RAVER2: variants seen among roughly 807,000 people sequenced by gnomAD.
RAVER2 encodes ribonucleoprotein, PTB binding 2, also known as ribonucleoprotein PTB-binding 2.
RAVER2 carries 46 observed loss-of-function variants against 78.1 expected under a neutral mutation model. The observed-to-expected ratio is 0.59, with a 90% CI of 0.46 to 0.75. The LOEUF is 0.75. RAVER2 is among the 30% of genes least tolerant of loss of function. The pLI is 0.00. For missense variants in RAVER2, 793 were observed against 837.5 expected (o/e 0.95, Z 0.66); for synonymous variants, 311 against 313.3 (o/e 0.99, Z 0.08).
intron 5 of RAVER2, among the ~76,000 whole-genome samples, chr1:64,802,181 C>T (rs1361299656): frequency 6.6e-6 from 1 of 152,154 alleles, no homozygotes; most frequent in Non-Finnish European, 1.5e-5. Flanking sequence ...AGGTTTTAGC[C>T]GGCTTCTTTA....
exon 11 of RAVER2, chr1:64,814,828 T>G: frequency 6.3e-7 from 1 of 1,578,102 alleles, no homozygotes; most frequent in Middle Eastern, 1.7e-4. Context: ...CACCTTTTGG[T>G]GATTATGCAC....
exon 12 of RAVER2, chr1:64,832,670 T>C (rs1654186647): frequency 6.6e-6 from 1 of 152,186 alleles, no homozygotes; most frequent in African/African-American, 2.4e-5. Flanking sequence ...GTCTAATTTA[T>C]TGCATATACT....
At chr1:64,813,231 T>C (rs143781180) in intron 10 of RAVER2, among the ~76,000 whole-genome samples, 17 of 152,356 alleles carry the variant, frequency 1.1e-4, no homozygotes, top group African/African-American at 3.8e-4. Flanking sequence ...TTCATTCAAA[T>C]ATCGTTTTAA....
intron 3 of RAVER2, among the ~76,000 whole-genome samples, chr1:64,779,705 G>A (rs569782563): frequency 6.6e-6 from 1 of 151,888 alleles, no homozygotes; most frequent in Admixed American, 6.6e-5. Flanking sequence ...TTGTCATCCT[G>A]TGGCCTTTAT....
chr1:64,771,600 AAC>A (rs569543715), intron 2 of RAVER2, among the ~76,000 whole-genome samples: 44 of 152,214 alleles, frequency 2.9e-4, no homozygotes, highest in African/African-American at 1.0e-3. Flanking sequence ...TGAGATTTGT[AAC>A]ACATGTAGAA....
chr1:64,812,465 T>C (rs1653641155), intron 9 of RAVER2, among the ~76,000 whole-genome samples: 1 of 152,128 alleles, frequency 6.6e-6, no homozygotes, highest in Non-Finnish European at 1.5e-5. Context: ...TTGGTTTTTC[T>C]TGTGAAGATG....
chr1:64,778,403 T>C (rs1425319386), intron 3 of RAVER2, among the ~76,000 whole-genome samples: 1 of 152,210 alleles, frequency 6.6e-6, no homozygotes, highest in Non-Finnish European at 1.5e-5. Context: ...ATTTACCATC[T>C]TCTGTGTACC....
At chr1:64,748,892 C>T (rs1030226648) in intron 1 of RAVER2, among the ~76,000 whole-genome samples, 2 of 152,092 alleles carry the variant, frequency 1.3e-5, no homozygotes, top group Middle Eastern at 3.2e-3. Flanking sequence ...GACTGGAGTG[C>T]GGTGGAACGA....
At chr1:64,787,446 G>A (rs1652812379) in intron 4 of RAVER2, among the ~76,000 whole-genome samples, 1 of 152,112 alleles carries the variant, frequency 6.6e-6, no homozygotes, top group Non-Finnish European at 1.5e-5. Context: ...ATCTAGGCTT[G>A]AGCCCAGCCC....
At chr1:64,783,240 AT>A (rs1223569417) in intron 4 of RAVER2, among the ~76,000 whole-genome samples, 1 of 152,166 alleles carries the variant, frequency 6.6e-6, no homozygotes, top group East Asian at 1.9e-4. Flanking sequence ...CTTTGGGTAT[AT>A]ATCCAGTAAT....
intron 11 of RAVER2, among the ~76,000 whole-genome samples, chr1:64,819,713 T>A (rs1407690536): frequency 6.6e-6 from 1 of 152,190 alleles, no homozygotes; most frequent in African/African-American, 2.4e-5. Flanking sequence ...AAAACTATAG[T>A]TGTAAAGAGA....
At chr1:64,808,531 G>A (rs750049596) in intron 9 of RAVER2, among the ~76,000 whole-genome samples, 2 of 135,888 alleles carry the variant, frequency 1.5e-5, no homozygotes, top group Non-Finnish European at 3.0e-5. Flanking sequence ...ACACAACCTC[G>A]GCTCACTGCA....
chr1:64,778,184 A>C, intron 3 of RAVER2, 92 bp downstream of exon 3: 2 of 957,816 alleles, frequency 2.1e-6, no homozygotes, highest in East Asian at 5.4e-5. Flanking sequence ...TACCTGTGTG[A>C]TTAACACAAT....
Position 64,745,203 on chromosome 1 carries a change from G to C in RAVER2, c.31G>C (p.Glu11Gln). The C allele has an allele frequency of 1.9e-6, 2 of 1,041,568 alleles. No individual in the cohort carries two copies. The highest frequency in any genetic ancestry group is 2.3e-6 in the Non-Finnish European group (2 of 868,102). 64.5% of individuals were successfully genotyped at this position (1,041,568 alleles called of 1,614,324 possible). ...GGCGGCGGCGGGAGACGGCGGCGGC[G>C]AGGGGGGCGCGGGCCTGGGCAGCGC... The change falls in exon 1 of 12, where the codon GAG (glutamate) becomes CAG (glutamine). Residue 11 changes from glutamate (E) to glutamine (Q), a missense_variant. Glu to Gln is a conservative substitution (Grantham distance 29). Coordinates refer to ENST00000294428, the Ensembl canonical transcript of RAVER2. The surrounding 1 kb of genome is among the most constrained non-coding windows in gnomAD (Gnocchi z 4.3).
intron 1 of RAVER2, among the ~76,000 whole-genome samples, chr1:64,767,192 A>C (rs1317203978): frequency 6.6e-6 from 1 of 152,048 alleles, no homozygotes; most frequent in Admixed American, 6.6e-5. Context: ...TAAAAGGGAG[A>C]ATATTTTTCA....
intron 11 of RAVER2, among the ~76,000 whole-genome samples, chr1:64,826,919 T>C (rs1371080985): frequency 6.6e-6 from 1 of 151,882 alleles, no homozygotes; most frequent in Non-Finnish European, 1.5e-5. Context: ...CCTAGAAAAA[T>C]GAATTTGTTA....
Position 64,807,304 on chromosome 1 carries a change from C to A in RAVER2, c.1510C>A (p.His504Asn), listed in dbSNP as rs948891385. ...CATTGCTGGACAGGCTGGGCCAGGG[C>A]ACAGTAATACTCAGGAGAAACAGCC... The change falls in exon 9 of 12, where the codon CAC becomes AAC. Residue 504 changes from histidine to asparagine, a missense_variant. His to Asn is a moderately conservative substitution (Grantham distance 68). Coordinates refer to ENST00000294428, the Ensembl canonical transcript of RAVER2. 10 of 1,614,058 alleles carry A rather than the reference C, an allele frequency of 6.2e-6. No individual in the cohort carries two copies. The highest frequency in any genetic ancestry group is 7.6e-6 in the Non-Finnish European group (9 of 1,180,020).
chr1:64,798,747 A>C (rs1653173837), intron 5 of RAVER2, among the ~76,000 whole-genome samples: 1 of 152,160 alleles, frequency 6.6e-6, no homozygotes, highest in African/African-American at 2.4e-5. Flanking sequence ...CAACTACAGA[A>C]TTTGAAAAAA....
intron 1 of RAVER2, among the ~76,000 whole-genome samples, chr1:64,756,047 A>C (rs1651849260): frequency 6.6e-6 from 1 of 152,026 alleles, no homozygotes; most frequent in Non-Finnish European, 1.5e-5. Flanking sequence ...TTGTCCCATC[A>C]ATGTCCTTTA....
Sources: allele counts gnomAD v4.1 joint callset (sites outside exome capture counted in the v4.1 genomes callset), GRCh38; gene constraint gnomAD v4.1.1; non-coding constraint Gnocchi (gnomAD v3.1); transcripts MANE v1.5; gene names NCBI Gene and HGNC (gene_info 2026-07-23, HGNC 2026-07-21).